Variants in DOCK10 observed in about 807,000 individuals in gnomAD.
DOCK10 encodes the protein dedicator of cytokinesis 10.
DOCK10 carries 145 observed loss-of-function variants against 280.1 expected under a neutral mutation model. The observed-to-expected ratio is 0.52, with a 90% CI of 0.45 to 0.59. The LOEUF (loss-of-function observed/expected upper bound fraction) is 0.59. Ranked by LOEUF, DOCK10 falls within the 20% of genes least tolerant of loss-of-function variation. The pLI, the probability that DOCK10 is intolerant of heterozygous loss-of-function variation, is 0.00. For missense variants in DOCK10, 2,368 were observed against 2,651.7 expected, an observed-to-expected ratio of 0.89 and a Z score of 2.35; for synonymous variants, 915 against 942.2, an observed-to-expected ratio of 0.97 and a Z score of 0.53.
At chr2:224,980,755 G>A (rs116577143) in intron 1 of DOCK10, among the ~76,000 whole-genome samples, 2,619 of 152,216 alleles carry the variant, frequency 0.017, 34 homozygotes, top group Middle Eastern at 0.044. Flanking sequence ...AGTGTGATTC[G>A]GGGAACTGGT....
intron 22 of DOCK10, among the ~76,000 whole-genome samples, chr2:224,843,081 G>A (rs954954171): frequency 1.2e-4 from 18 of 152,156 alleles, no homozygotes; most frequent in Non-Finnish European, 1.6e-4. Context: ...TGGGGGTGGC[G>A]GGGAAAGGGG....
chr2:224,899,527 T>C (rs1015632600), intron 3 of DOCK10, among the ~76,000 whole-genome samples: 3 of 152,092 alleles, frequency 2.0e-5, no homozygotes, highest in Non-Finnish European at 4.4e-5. Flanking sequence ...GGTGGTGTCA[T>C]GGGAAAAATA....
At position 224,962,861 on chromosome 2, in the gene DOCK10, T is replaced by A. The variant is rs146114282; in HGVS notation, c.124-31193A>T. Reference sequence around the variant, plus strand: ...TTAAAGTGAAACCCTAATGAAAATTTAAAAGAGAATAACAATTAGGCAGCC... The same window carrying A: ...TTAAAGTGAAACCCTAATGAAAATTAAAAAGAGAATAACAATTAGGCAGCC... On this transcript the variant is annotated intron_variant, in intron 1 of 55. Coordinates refer to ENST00000258390, the MANE Select transcript of DOCK10 (RefSeq NM_014689.3). Among the ~76,000 whole-genome samples, 655 of 152,288 alleles carry A rather than the reference T, an allele frequency of 4.3e-3. 7 individuals carry two copies. The highest frequency in any genetic ancestry group is 0.015 in the African/African-American group (618 of 41,564).
chr2:224,973,903 A>G (rs1003124549), intron 1 of DOCK10, among the ~76,000 whole-genome samples: 2 of 152,030 alleles, frequency 1.3e-5, no homozygotes, highest in Non-Finnish European at 2.9e-5. Flanking sequence ...GGCATGTGGC[A>G]TTTTCTCATG....
At chr2:224,933,207 G>A (rs1018283863) in intron 1 of DOCK10, among the ~76,000 whole-genome samples, 8 of 152,154 alleles carry the variant, frequency 5.3e-5, no homozygotes, top group African/African-American at 1.9e-4. Flanking sequence ...GACTTGGGGA[G>A]TGGAAAAAAA....
At chr2:224,949,746 G>T (rs931417017) in intron 1 of DOCK10, among the ~76,000 whole-genome samples, 1 of 152,146 alleles carries the variant, frequency 6.6e-6, no homozygotes, top group African/African-American at 2.4e-5. Flanking sequence ...CCCTTTCCAG[G>T]CCTCAGTTTT....
At chr2:224,827,262 CA>C (rs111476278) in intron 27 of DOCK10, among the ~76,000 whole-genome samples, 14,683 of 109,894 alleles carry the variant, frequency 0.13, 1,003 homozygotes, top group African/African-American at 0.23. Context: ...AACTCCGTCT[CA>C]AAAAAAAAAA....
chr2:224,898,816 C>T (rs1189775218), intron 3 of DOCK10, among the ~76,000 whole-genome samples: 14 of 152,198 alleles, frequency 9.2e-5, no homozygotes, highest in African/African-American at 3.4e-4. Flanking sequence ...ACCTCGTGAT[C>T]CGCCTGCCTT....
chr2:224,989,775 G>T (rs1027816770), intron 1 of DOCK10, among the ~76,000 whole-genome samples: 18 of 152,154 alleles, frequency 1.2e-4, no homozygotes, highest in Non-Finnish European at 2.6e-4. Flanking sequence ...CTAGGACCCA[G>T]TTAGTTACCC....
At chr2:224,864,763 T>C in intron 12 of DOCK10, 88 bp from the exon 13 acceptor site, 1 of 1,584,920 alleles carries the variant, frequency 6.3e-7, no homozygotes, top group Non-Finnish European at 8.6e-7. Flanking sequence ...AAGGACAGCT[T>C]TAAGGGAATT....
intron 1 of DOCK10, among the ~76,000 whole-genome samples, chr2:225,012,698 A>G (rs1242525550): frequency 6.6e-6 from 1 of 152,250 alleles, no homozygotes; most frequent in Non-Finnish European, 1.5e-5. Flanking sequence ...CATAATAATA[A>G]TAATGGTTAA....
At chr2:224,986,169 G>A (rs1705969197) in intron 1 of DOCK10, among the ~76,000 whole-genome samples, 1 of 152,072 alleles carries the variant, frequency 6.6e-6, no homozygotes, top group African/African-American at 2.4e-5. Flanking sequence ...TCCTCTATAA[G>A]GCATCAAGTA....
chr2:224,987,908 C>A (rs769120324), intron 1 of DOCK10, among the ~76,000 whole-genome samples: 1 of 152,132 alleles, frequency 6.6e-6, no homozygotes, highest in South Asian at 2.1e-4. Flanking sequence ...AAGCTCACAG[C>A]GAGCTTCAGA....
chr2:224,982,172 A>C (rs1297936631), intron 1 of DOCK10: 1 of 1,224,312 alleles, frequency 8.2e-7, no homozygotes, highest in Non-Finnish European at 1.0e-6. Context: ...ATAACAGTTC[A>C]ATCCACTGAG....
intron 1 of DOCK10, among the ~76,000 whole-genome samples, chr2:224,994,393 T>C (rs1706210762): frequency 6.6e-6 from 1 of 152,212 alleles, no homozygotes; most frequent in African/African-American, 2.4e-5. Flanking sequence ...ATAAAAGGTT[T>C]AGCATGGTGC....
intron 14 of DOCK10, chr2:224,861,222 A>G (rs1216402582): frequency 2.0e-5 from 3 of 152,188 alleles, no homozygotes; most frequent in African/African-American, 7.2e-5. Context: ...AGTTGTTCCT[A>G]TAGAAAGAGA....
chr2:224,837,889 A>G (rs1242900583), intron 24 of DOCK10, 58 bp from the exon 25 acceptor site: 1 of 1,326,836 alleles, frequency 7.5e-7, no homozygotes, highest in Non-Finnish European at 1.1e-6. Context: ...ACCCCGCTTT[A>G]GTTTGTCATT....
At chr2:224,846,684 A>C (rs1315750948) in intron 19 of DOCK10, among the ~76,000 whole-genome samples, 2 of 152,086 alleles carry the variant, frequency 1.3e-5, no homozygotes, top group African/African-American at 2.4e-5. Flanking sequence ...TTTTGTAGAG[A>C]TAGGGTTTCA....
intron 1 of DOCK10, among the ~76,000 whole-genome samples, chr2:224,984,014 G>C (rs1575148710): frequency 6.6e-6 from 1 of 152,148 alleles, no homozygotes; most frequent in African/African-American, 2.4e-5. Context: ...TTGAGACAAA[G>C]GGCAGAGTGG....
Sources: gnomAD v4.1 joint callset for allele counts (sites outside exome capture counted in the v4.1 genomes callset) on GRCh38, gnomAD v4.1.1 for gene constraint, MANE v1.5 for transcripts, NCBI Gene and HGNC (gene_info 2026-07-23, HGNC 2026-07-21) for gene names.